Variants in SOX6 observed in about 807,000 individuals in gnomAD.
SOX6 encodes SRY-box transcription factor 6.
In SOX6, 11 loss-of-function variants were observed where a neutral mutation model predicts 97.8. The ratio of observed to expected loss-of-function variants is 0.11; its 90% CI spans 0.07 to 0.19. SOX6 has a LOEUF of 0.19. SOX6 is among the 10% of genes least tolerant of loss of function. SOX6 has a pLI of 1.00. For missense variants in SOX6, 810 were observed against 1,039.5 expected, an observed-to-expected ratio of 0.78 and a Z score of 3.04; for synonymous variants, 360 against 371.4, an observed-to-expected ratio of 0.97 and a Z score of 0.35.
rs138801778 is a variant in SOX6, at chr11:16,370,478, A to G, written c.-4-29226T>C. On this transcript the variant is annotated intron_variant, in intron 1 of 15. Coordinates refer to the SOX6 transcript ENST00000396356. ...TCAGATTTGTTATATTATCTTAACC[A>G]AAAAGTTATAAAATAGGTCTTTAAA... Among the ~76,000 whole-genome samples the G allele has an allele frequency of 5.9e-5, 9 of 152,246 alleles. 1 individual carries two copies. The highest frequency in any genetic ancestry group is 2.2e-4 in the African/African-American group (9 of 41,550).
At chr11:15,974,930 C>G (rs555392485) in intron 15 of SOX6, among the ~76,000 whole-genome samples, 1 of 152,216 alleles carries the variant, frequency 6.6e-6, no homozygotes, top group South Asian at 2.1e-4. Context: ...TGCTTCAAGC[C>G]CTGCATTCAA....
At chr11:16,177,982 A>T (rs543337293) in intron 6 of SOX6, among the ~76,000 whole-genome samples, 1 of 151,906 alleles carries the variant, frequency 6.6e-6, no homozygotes, top group African/African-American at 2.4e-5. Context: ...ACAGATAGAG[A>T]AGGGCGGGTT....
chr11:16,513,555 C>T (rs1478593337), intron 4 of SOX6, among the ~76,000 whole-genome samples: 1 of 152,176 alleles, frequency 6.6e-6, no homozygotes, highest in East Asian at 1.9e-4. Flanking sequence ...ATTGCTTGAA[C>T]CCGGGAGGCG....
intron 1 of SOX6, among the ~76,000 whole-genome samples, chr11:16,351,084 A>C (rs1201139323): frequency 6.6e-6 from 1 of 152,104 alleles, no homozygotes; most frequent in Non-Finnish European, 1.5e-5. Flanking sequence ...AAACTCTCTC[A>C]TCTCCCAGAA....
At chr11:16,187,771 C>A (rs933188258) in intron 4 of SOX6, among the ~76,000 whole-genome samples, 1 of 152,086 alleles carries the variant, frequency 6.6e-6, no homozygotes, top group Non-Finnish European at 1.5e-5. Context: ...TTTTTATGGG[C>A]AAATTGCACA....
At chr11:16,074,269 G>A (rs1050923689) in intron 9 of SOX6, among the ~76,000 whole-genome samples, 2 of 152,060 alleles carry the variant, frequency 1.3e-5, no homozygotes, top group African/African-American at 4.8e-5. Context: ...CACTACCACT[G>A]ATGATACAAA....
chr11:16,029,616 A>G (rs1855308737), intron 12 of SOX6, among the ~76,000 whole-genome samples: 1 of 151,950 alleles, frequency 6.6e-6, no homozygotes, highest in Non-Finnish European at 1.5e-5. Context: ...AGCCTGGGCT[A>G]CAGAGCAAGA....
chr11:16,662,037 T>C (rs1260601643), intron 3 of SOX6, among the ~76,000 whole-genome samples: 1 of 152,230 alleles, frequency 6.6e-6, no homozygotes, highest in Non-Finnish European at 1.5e-5. Flanking sequence ...TGAATAGTTA[T>C]CTATTAAATC....
At chr11:16,373,877 AAGGAAGGAAGGGAGGG>A (rs1465142569) in intron 1 of SOX6, among the ~76,000 whole-genome samples, 141 of 9,504 alleles carry the variant, frequency 0.015, 1 homozygote, top group African/African-American at 0.035. Context: ...GGAAGGAAGG[AAGGAAGGAAGGGAGGG>A]AGGGAGGAAG....
intron 9 of SOX6, among the ~76,000 whole-genome samples, chr11:16,067,889 A>G (rs1232691565): frequency 1.3e-5 from 2 of 152,188 alleles, no homozygotes; most frequent in African/African-American, 4.8e-5. Flanking sequence ...TAAAGAAAGG[A>G]AGAAAAAAAA....
At chr11:16,736,687 G>A (rs1481796566) in intron 1 of SOX6, among the ~76,000 whole-genome samples, 2 of 152,164 alleles carry the variant, frequency 1.3e-5, no homozygotes, top group Admixed American at 6.5e-5. Flanking sequence ...AAACCCATTA[G>A]AGGTGAACTG....
At chr11:16,332,669 T>A (rs1010985885) in intron 2 of SOX6, among the ~76,000 whole-genome samples, 5 of 152,214 alleles carry the variant, frequency 3.3e-5, no homozygotes, top group African/African-American at 1.2e-4. Context: ...TAGCAAAGGT[T>A]TGTAATTTAT....
intron 6 of SOX6, among the ~76,000 whole-genome samples, chr11:16,136,505 A>G (rs1477361939): frequency 6.6e-6 from 1 of 152,090 alleles, no homozygotes; most frequent in African/African-American, 2.4e-5. Flanking sequence ...GGCTCAAGGT[A>G]TCTTCATGTC....
At position 15,972,686 on chromosome 11, in the gene SOX6, AC is replaced by A; in HGVS notation, c.*122del. On this transcript the variant is annotated 3_prime_UTR_variant, in exon 16 of 16. Transcript: ENST00000683767. ...CTTAATCTGTCTCACACTTTACGAAACAATTAAGACCATTCTGCTGATGTAA... is the reference window on the plus strand; with the variant it reads ...CTTAATCTGTCTCACACTTTACGAAAAATTAAGACCATTCTGCTGATGTAA... The A allele has an allele frequency of 9.3e-7, 1 of 1,077,592 alleles. No individual in the cohort carries two copies. The highest frequency in any genetic ancestry group is 1.4e-6 in the Non-Finnish European group (1 of 714,604). 66.8% of individuals were successfully genotyped at this position (1,077,592 alleles called of 1,614,324 possible).
intron 4 of SOX6, among the ~76,000 whole-genome samples, chr11:16,525,113 C>G (rs1337896670): frequency 6.6e-6 from 1 of 152,066 alleles, no homozygotes; most frequent in Admixed American, 6.5e-5. Context: ...ACTTTCTTCA[C>G]AGAATTGGAA....
Position 16,055,782 on chromosome 11 carries a change from C to G in SOX6, c.1221G>C (p.Lys407Asn), listed in dbSNP as rs763877978. The change falls in exon 10 of 16, where the codon AAG becomes AAC. Residue 407 changes from lysine (K) to asparagine (N), a missense_variant. Lys to Asn is a moderately conservative substitution (Grantham distance 94). Around this residue, in one of 9 missense-constraint regions of SOX6, gnomAD observed 244 missense variants for 261.0 expected, o/e 0.93. Transcript: ENST00000683767. The part of the protein sequence containing the change: ...TVSPTGIKNE[K>N]RGTSPVTQVK... ...CTTGAGTTACAGGGCTGGTCCCTCT[C>G]TTTTCATTTTTTATCCCAGTAGGTG... is the stretch of plus-strand genomic sequence containing the variant. The G allele has an allele frequency of 6.2e-7, 1 of 1,613,680 alleles. No homozygotes were observed. The highest frequency in any genetic ancestry group is 2.2e-5 in the East Asian group (1 of 44,856).
intron 4 of SOX6, among the ~76,000 whole-genome samples, chr11:16,187,897 A>T (rs1010657126): frequency 2.0e-5 from 3 of 152,154 alleles, no homozygotes; most frequent in Non-Finnish European, 4.4e-5. Context: ...TTTCATTATG[A>T]AGAAATGATC....
intron 1 of SOX6, among the ~76,000 whole-genome samples, chr11:16,469,151 C>A (rs1418357461): frequency 6.6e-6 from 1 of 151,532 alleles, no homozygotes; most frequent in African/African-American, 2.4e-5. Context: ...TTAATGGTCC[C>A]AGGTCTCAGT....
intron 3 of SOX6, among the ~76,000 whole-genome samples, chr11:16,701,884 ACTCCG>A (rs931906813): frequency 1.3e-5 from 2 of 149,314 alleles, no homozygotes; most frequent in African/African-American, 5.0e-5. Flanking sequence ...ACAGAGCAAG[ACTCCG>A]TCTCAAAAAA....
Sources: gnomAD v4.1 joint callset for allele counts (sites outside exome capture counted in the v4.1 genomes callset) on GRCh38, gnomAD v4.1.1 for gene constraint, gnomAD v4.1.1 regional missense constraint, MANE v1.5 for transcripts, NCBI Gene and HGNC (gene_info 2026-07-23, HGNC 2026-07-21) for gene names.